Variants in IQCE observed in about 807,000 individuals in gnomAD.
The protein encoded by IQCE is IQ domain-containing protein E.
IQCE carries 115 observed loss-of-function variants against 96.0 expected under a neutral mutation model. That is an observed-to-expected ratio of 1.20 (90% confidence interval 1.03 to 1.40). The LOEUF (loss-of-function observed/expected upper bound fraction) is 1.40. IQCE is among the 40% of genes most tolerant of loss of function. IQCE has a pLI of 0.00. For missense variants in IQCE, 1,041 were observed against 909.1 expected, an observed-to-expected ratio of 1.15 and a Z score of -1.87; for synonymous variants, 412 against 371.2, an observed-to-expected ratio of 1.11 and a Z score of -1.26.
intron 8 of IQCE, chr7:2,580,397 G>A (rs760711542): frequency 3.3e-5 from 5 of 152,006 alleles, no homozygotes; most frequent in East Asian, 1.9e-4. Context: ...ATCACCTGAA[G>A]TCAGGAGTTC....
rs896005968 is a variant in IQCE, at chr7:2,559,072, C to T, written c.-110C>T. On this transcript the variant is annotated 5_prime_UTR_variant, in exon 1 of 22. Transcript: ENST00000402050. ...TTGCCATGGCAGCGGGGTCGCGGGC[C>T]GGCGCCAGGGAAGGCCCCGAGGCTG... The T allele has an allele frequency of 1.2e-4, 68 of 579,482 alleles. No homozygotes were observed. In the African/African-American group the frequency reaches 1.2e-3, roughly 10 times the overall value. The allele number at this position is 579,482 out of a possible 1,614,324, so 35.9% of individuals were successfully genotyped here. A position where few individuals can be genotyped will look rare whatever the true frequency, so the allele number is the denominator to read the frequency against.
chr7:2,562,178 A>T (rs1781012163), intron 1 of IQCE, among the ~76,000 whole-genome samples: 1 of 152,048 alleles, frequency 6.6e-6, no homozygotes, highest in Admixed American at 6.6e-5. Flanking sequence ...TTTTATTAAT[A>T]TGGAATATTG....
chr7:2,574,546 C>G (rs755019084), intron 6 of IQCE, among the ~76,000 whole-genome samples: 2 of 152,170 alleles, frequency 1.3e-5, no homozygotes, highest in Admixed American at 1.3e-4. Context: ...AGCTGTGTGT[C>G]GGGGATGTTA....
At chr7:2,600,873 G>A (rs1784387478) in intron 17 of IQCE, among the ~76,000 whole-genome samples, 1 of 152,160 alleles carries the variant, frequency 6.6e-6, no homozygotes, top group African/African-American at 2.4e-5. Context: ...TGCTCCGAGG[G>A]ACCCTCTCTA....
At chr7:2,596,399 ATTT>A (rs3074415) in intron 16 of IQCE, among the ~76,000 whole-genome samples, 29,342 of 138,370 alleles carry the variant, frequency 0.21, 3,327 homozygotes, top group East Asian at 0.41. Flanking sequence ...GGTTATAAGC[ATTT>A]TTTTTTTTTT....
chr7:2,581,978 C>T (rs1176540964), intron 8 of IQCE: 1 of 437,876 alleles, frequency 2.3e-6, no homozygotes, highest in Non-Finnish European at 4.7e-6. Context: ...TCCCAAAGTG[C>T]TGGGATTACA....
chr7:2,589,762 T>G, intron 13 of IQCE, 145 bp from the exon 14 acceptor site: 1 of 700,068 alleles, frequency 1.4e-6, no homozygotes, highest in East Asian at 2.6e-5. Context: ...CGGCAGCTTC[T>G]CTGGGTAACT....
At chr7:2,606,018 C>T (rs376608350) in intron 20 of IQCE, 21 bp downstream of exon 20, 40 of 1,598,738 alleles carry the variant, frequency 2.5e-5, no homozygotes, top group Non-Finnish European at 2.9e-5. Flanking sequence ...GTCACGGGGA[C>T]GTGGGACACA....
Position 2,578,195 on chromosome 7 carries a change from T to C in IQCE, c.466-47T>C, listed in dbSNP as rs148318720. The C allele has an allele frequency of 2.0e-4, 281 of 1,423,510 alleles. No individual in the cohort carries two copies. The African/African-American group carries it at 3.0e-3, about 15-fold the overall frequency. The allele number at this position is 1,423,510 out of a possible 1,614,324, so 88.2% of individuals were successfully genotyped here. Reference sequence around the variant, plus strand: ...TGCGCGGGGACGTGTGTGCGGCGTGTGCGCAGCTTCGTGTGGATGGCTGTG... The same window carrying C: ...TGCGCGGGGACGTGTGTGCGGCGTGCGCGCAGCTTCGTGTGGATGGCTGTG... On this transcript the variant is annotated intron_variant, in intron 6 of 21. Coordinates refer to ENST00000402050, the MANE Select transcript of IQCE (RefSeq NM_152558.5).
At chr7:2,600,789 G>T (rs923973378) in intron 17 of IQCE, among the ~76,000 whole-genome samples, 2 of 152,140 alleles carry the variant, frequency 1.3e-5, no homozygotes, top group African/African-American at 2.4e-5. Context: ...TGGTCATTCC[G>T]TGCCATTAAG....
At position 2,611,930 on chromosome 7, in the gene IQCE, G is replaced by A. The variant is rs1318391428; in HGVS notation, c.*1768G>A. On this transcript the variant is annotated 3_prime_UTR_variant, in exon 22 of 22. Transcript: ENST00000402050. ...CCCCTGCCTTCACCCCACCCGCCCGGGTCCACTCCCTGGGGCGCTGTCCCA... is the reference window on the plus strand; with the variant it reads ...CCCCTGCCTTCACCCCACCCGCCCGAGTCCACTCCCTGGGGCGCTGTCCCA... The A allele has an allele frequency of 6.6e-6, 1 of 152,004 alleles. No homozygotes were observed. The highest frequency in any genetic ancestry group is 1.5e-5 in the Non-Finnish European group (1 of 68,036). 9.4% of individuals were successfully genotyped at this position (152,004 alleles called of 1,614,324 possible).
At chr7:2,585,526 A>G (rs1783030369) in intron 11 of IQCE, among the ~76,000 whole-genome samples, 2 of 152,274 alleles carry the variant, frequency 1.3e-5, no homozygotes, top group African/African-American at 4.8e-5. Flanking sequence ...GCTTAGAGGC[A>G]CTGGACGGCA....
At chr7:2,609,942 C>T (rs577986973) in intron 21 of IQCE, 102 bp from the exon 22 acceptor site, 16 of 694,256 alleles carry the variant, frequency 2.3e-5, no homozygotes, top group East Asian at 7.6e-5. Flanking sequence ...GGGTGGCTGC[C>T]GTCTTGCCTG....
rs999612022 is a variant in IQCE, at chr7:2,596,902, A to G, written c.1441-1563A>G. The G allele has an allele frequency of 8.5e-5, 39 of 457,254 alleles. No homozygotes were observed. In the Admixed American group the frequency reaches 9.3e-4, roughly 11 times the overall value. The allele number at this position is 457,254 out of a possible 1,614,324, so 28.3% of individuals were successfully genotyped here. On this transcript the variant is annotated intron_variant, in intron 16 of 21. Transcript: ENST00000402050. ...TGCCAAGCAACTTGTTGCCACAGCT[A>G]AAGAGATCTGGAAACAGCTGGCTGT...
intron 18 of IQCE, chr7:2,601,839 C>A: frequency 4.5e-6 from 1 of 222,088 alleles, no homozygotes; most frequent in Non-Finnish European, 8.8e-6. Context: ...CGTGAGCCAC[C>A]GCGCCCGGCA....
chr7:2,588,650 G>T (rs1317509640), intron 13 of IQCE, among the ~76,000 whole-genome samples: 1 of 130,766 alleles, frequency 7.6e-6, no homozygotes, highest in African/African-American at 3.1e-5. Context: ...ACTGTGCCTG[G>T]CTGGTTTTTT....
At chr7:2,600,511 C>T (rs1784362360) in intron 17 of IQCE, among the ~76,000 whole-genome samples, 1 of 152,230 alleles carries the variant, frequency 6.6e-6, no homozygotes, top group African/African-American at 2.4e-5. Context: ...CTGTCTCCGT[C>T]TGAAAAGCAG....
chr7:2,605,904 C>T lies in IQCE; in HGVS notation c.1772C>T (p.Pro591Leu), dbSNP rs1232729155. 1.9e-6 allele frequency: 3 copies of T among 1,607,646 alleles called. No individual in the cohort carries two copies. Among genetic ancestry groups the T allele is most frequent in the Non-Finnish European group, 8.5e-7 (1 of 1,177,878 alleles). ...TCTCCTGTGCCCCGCGTTCCGAGCC[C>T]CATCGCCCAGGCCACGGGCAGCCCT... is the stretch of plus-strand genomic sequence containing the variant. ...QSSPVPRVPS[P>L]IAQATGSPVQ... The change falls in exon 20 of 22, where the codon CCC (proline) becomes CTC (leucine). Residue 591 changes from proline (P) to leucine (L), a missense_variant. Physicochemically the swap from Pro to Leu is moderately conservative, Grantham distance 98. Transcript: ENST00000402050.
intron 8 of IQCE, chr7:2,579,992 C>A: frequency 6.6e-6 from 1 of 152,246 alleles, no homozygotes; most frequent in South Asian, 2.0e-4. Context: ...CCTTGGCCTC[C>A]TAAAGTGTTG....
Sources: gnomAD v4.1 joint callset for allele counts (sites outside exome capture counted in the v4.1 genomes callset) on GRCh38, gnomAD v4.1.1 for gene constraint, MANE v1.5 for transcripts, NCBI Gene and HGNC (gene_info 2026-07-23, HGNC 2026-07-21) for gene names.